The following COL4A3 variants were observed in gnomAD, a reference collection of about 807,000 sequenced individuals.
COL4A3 encodes the protein collagen type IV alpha 3 chain.
COL4A3 carries 135 observed loss-of-function variants against 217.4 expected under a neutral mutation model. That is an observed-to-expected ratio of 0.62 (90% CI 0.54 to 0.72). The LOEUF (loss-of-function observed/expected upper bound fraction) is 0.72, where lower values mean the gene tolerates loss of function less well. COL4A3 is among the 30% of genes least tolerant of loss of function. The pLI, the probability that COL4A3 is intolerant of heterozygous loss-of-function variation, is 0.00. For synonymous variants in COL4A3, 690 were observed against 736.3 expected (o/e 0.94, Z 1.02); for missense variants, 1,868 against 2,119.9 (o/e 0.88, Z 2.33).
rs779675451 is a variant in COL4A3 at position 227,311,985 on chromosome 2, TAGTACAA to T, written c.*119_*125del. The T allele has an allele frequency of 9.3e-6, 14 of 1,508,562 alleles. No individual in the cohort carries two copies. The South Asian group carries it at 1.7e-4, about 19-fold the overall frequency. The allele number at this position is 1,508,562 out of a possible 1,614,324, so 93.4% of individuals were successfully genotyped here. On this transcript the variant is annotated 3_prime_UTR_variant, in exon 52 of 52. Coordinates refer to ENST00000396578, the MANE Select transcript of COL4A3 (RefSeq NM_000091.5). ...CAAACAATATTGCTCCATGATGACT[TAGTACAA>T]AGTTTCAATTTGTTTCCCCACAAAA...
At chr2:227,277,939 C>T (rs2106135280) in intron 28 of COL4A3, among the ~76,000 whole-genome samples, 1 of 151,866 alleles carries the variant, frequency 6.6e-6, no homozygotes, top group East Asian at 1.9e-4. Context: ...AAATGTTTTC[C>T]AAGAGCCACA....
chr2:227,182,213 C>G (rs1011460444), intron 1 of COL4A3, among the ~76,000 whole-genome samples: 1 of 152,158 alleles, frequency 6.6e-6, no homozygotes, highest in Non-Finnish European at 1.5e-5. Context: ...TGTTTATTGG[C>G]CAGGAGTCAG....
intron 3 of COL4A3, among the ~76,000 whole-genome samples, chr2:227,242,658 A>G (rs958935878): frequency 2.6e-5 from 4 of 152,184 alleles, no homozygotes; most frequent in Non-Finnish European, 5.9e-5. Flanking sequence ...AGTGAGGTCA[A>G]ACACCAAATA....
Position 227,248,173 on chromosome 2 carries a change from C to T in COL4A3, c.469-270C>T, listed in dbSNP as rs149915801. Among the ~76,000 whole-genome samples, 1,065 of 152,262 alleles carry T rather than the reference C, an allele frequency of 7.0e-3. 12 individuals are homozygous for T. The highest frequency in any genetic ancestry group is 0.02 in the African/African-American group (847 of 41,522). On this transcript the variant is annotated intron_variant, in intron 8 of 51. Coordinates refer to ENST00000396578, the MANE Select transcript of COL4A3 (RefSeq NM_000091.5). ...CAGGCTGGTCTTGAACTCCTGACCT[C>T]GGGTGATCTGCCCGTTTTGATCTCC...
At chr2:227,293,800 C>T (rs1259620481) in intron 38 of COL4A3, 2 of 470,858 alleles carry the variant, frequency 4.2e-6, no homozygotes, top group South Asian at 1.6e-5. Flanking sequence ...CTTGTGGGGC[C>T]CCTGTTCTTG....
intron 4 of COL4A3, 148 bp from the exon 5 acceptor site, chr2:227,244,803 A>T: frequency 1.2e-6 from 1 of 834,084 alleles, no homozygotes; most frequent in Non-Finnish European, 2.1e-6. Flanking sequence ...TTAAACCTTT[A>T]GTATTTGTTT....
rs377743709 is a variant in COL4A3, at chr2:227,257,691, T to C, written c.1029+47T>C. ...ATCAATGCTATGTTTGATCAAGTTC[T>C]TTAAAGTAGCAAGGAAATTTTGAAT... On this transcript the variant is annotated intron_variant, in intron 18 of 51. Transcript: ENST00000396578. The C allele has an allele frequency of 3.2e-6, 5 of 1,548,390 alleles. No individual in the cohort carries two copies. The African/African-American group carries it at 6.8e-5, about 21-fold the overall frequency.
chr2:227,254,790 G>C (rs1480603469), intron 15 of COL4A3, 75 bp downstream of exon 15: 7 of 1,062,894 alleles, frequency 6.6e-6, no homozygotes, highest in Non-Finnish European at 8.8e-6. Context: ...ACAGGAACAA[G>C]ATGCCCAACT....
intron 19 of COL4A3, 32 bp downstream of exon 19, chr2:227,259,909 T>C (rs1459372435): frequency 6.7e-7 from 1 of 1,495,330 alleles, no homozygotes; most frequent in Non-Finnish European, 9.3e-7. Flanking sequence ...AAGCATTTGC[T>C]GAACATATTT....
chr2:227,251,141 G>T lies in COL4A3; in HGVS notation c.548G>T (p.Gly183Val), dbSNP rs775544184. The change falls in exon 10 of 52, where the codon GGT becomes GTT. Residue 183 changes from glycine to valine, a missense_variant and splice_region_variant. By Grantham distance (109) the Gly-to-Val change is moderately radical. Around this residue, in one of 2 missense-constraint regions of COL4A3, gnomAD observed 365 missense variants for 333.8 expected, o/e 1.09. Coordinates refer to ENST00000396578, the MANE Select transcript of COL4A3 (RefSeq NM_000091.5). ...TCTTATTCTTCTCTCAATTTCAAGG[G>T]TTTGCCAGGCCCTCCAGGTTTTCCT... ...PGLPGAPGPQ[G>V]LPGPPGFPGP... 1 of 1,612,112 alleles carries T rather than the reference G, an allele frequency of 6.2e-7. No homozygotes were observed. Among genetic ancestry groups the T allele is most frequent in the Non-Finnish European group, 8.5e-7 (1 of 1,178,308 alleles).
At chr2:227,170,257 T>G (rs906425320) in intron 1 of COL4A3, among the ~76,000 whole-genome samples, 2 of 152,174 alleles carry the variant, frequency 1.3e-5, no homozygotes, top group Non-Finnish European at 2.9e-5. Context: ...CTAGTCACAT[T>G]GTCAGTGAAT....
intron 20 of COL4A3, among the ~76,000 whole-genome samples, chr2:227,262,202 T>C (rs1183386275): frequency 2.6e-5 from 4 of 152,160 alleles, no homozygotes. Context: ...CTCAAACTGT[T>C]AATAGTAGAT....
intron 1 of COL4A3, among the ~76,000 whole-genome samples, chr2:227,188,081 C>A (rs557308924): frequency 6.7e-6 from 1 of 149,928 alleles, no homozygotes; most frequent in South Asian, 2.1e-4. Context: ...CCGAACTACT[C>A]CTTTAAAAAA....
intron 11 of COL4A3, among the ~76,000 whole-genome samples, chr2:227,252,954 CAA>C (rs1182532046): frequency 6.6e-6 from 1 of 152,066 alleles, no homozygotes; most frequent in Non-Finnish European, 1.5e-5. Flanking sequence ...AACAAGAAAA[CAA>C]GAGCATCAGG....
Position 227,295,063 on chromosome 2 carries a change from G to A in COL4A3, c.3517+1G>A, listed in dbSNP as rs777495096. 1 of 1,612,836 alleles carries A rather than the reference G, an allele frequency of 6.2e-7. No homozygotes were observed. Among genetic ancestry groups the A allele is most frequent in the Non-Finnish European group, 8.5e-7 (1 of 1,178,916 alleles). On this transcript the variant is annotated splice_donor_variant, in intron 40 of 51. Transcript: ENST00000396578. LOFTEE classifies it high-confidence loss of function. ...CCAGCCGGAGAAAAGGGAGAAACGGGTACAACTTGCTCATTATCTTTGATC... is the reference window on the plus strand; with the variant it reads ...CCAGCCGGAGAAAAGGGAGAAACGGATACAACTTGCTCATTATCTTTGATC...
At chr2:227,249,622 G>A (rs908283072) in intron 9 of COL4A3, among the ~76,000 whole-genome samples, 1 of 152,084 alleles carries the variant, frequency 6.6e-6, no homozygotes, top group Non-Finnish European at 1.5e-5. Flanking sequence ...GTGAGTTTGA[G>A]GTGAGGCTGT....
At chr2:227,287,106 T>C (rs1044133208) in intron 34 of COL4A3, among the ~76,000 whole-genome samples, 8 of 152,202 alleles carry the variant, frequency 5.3e-5, no homozygotes, top group African/African-American at 1.9e-4. Flanking sequence ...CTGTTGCATA[T>C]TCTTCTTTGC....
chr2:227,240,092 G>T, intron 2 of COL4A3, 51 bp from the exon 3 acceptor site: 1 of 1,392,082 alleles, frequency 7.2e-7, no homozygotes, highest in Non-Finnish European at 1.0e-6. Flanking sequence ...TGTGTTTATT[G>T]TGGGATAGTT....
chr2:227,273,391 G>T (rs773887861), intron 26 of COL4A3, among the ~76,000 whole-genome samples: 6 of 151,890 alleles, frequency 4.0e-5, no homozygotes, highest in African/African-American at 1.5e-4. Context: ...GATCCTAAGC[G>T]TTATTGCAAA....
Sources: allele counts gnomAD v4.1 joint callset (sites outside exome capture counted in the v4.1 genomes callset), GRCh38; gene constraint gnomAD v4.1.1; regional missense constraint gnomAD v4.1.1; transcripts MANE v1.5; gene names NCBI Gene and HGNC (gene_info 2026-07-23, HGNC 2026-07-21).